Variants in LRRTM4 observed in about 807,000 individuals in gnomAD.
The protein encoded by LRRTM4 is leucine rich repeat transmembrane neuronal 4, also known as leucine-rich repeat transmembrane neuronal protein 4.
Under a neutral mutation model 47.6 loss-of-function variants are expected in LRRTM4, and 25 were observed. The observed-to-expected ratio is 0.53, with a 90% CI of 0.38 to 0.73. The LOEUF is 0.73. Among genes scored for constraint, LRRTM4 ranks in the 30% least tolerant of loss-of-function variants. LRRTM4 has a pLI of 0.00. For synonymous variants in LRRTM4, 311 were observed against 269.5 expected (o/e 1.15, Z -1.51); for missense variants, 638 against 713.4 (o/e 0.89, Z 1.20).
chr2:76,991,414 A>T (rs141604025), intron 3 of LRRTM4, among the ~76,000 whole-genome samples: 1 of 151,770 alleles, frequency 6.6e-6, no homozygotes, highest in East Asian at 1.9e-4. Context: ...AACAAAGGAA[A>T]AAAGAAGATT....
intron 3 of LRRTM4, among the ~76,000 whole-genome samples, chr2:76,974,742 A>C (rs527949529): frequency 6.6e-6 from 1 of 151,772 alleles, no homozygotes; most frequent in East Asian, 1.9e-4. Context: ...TACTATTATA[A>C]ATTTAATTTT....
At chr2:77,007,925 T>C (rs966409855) in intron 3 of LRRTM4, among the ~76,000 whole-genome samples, 4 of 152,200 alleles carry the variant, frequency 2.6e-5, no homozygotes, top group Non-Finnish European at 4.4e-5. Flanking sequence ...TCATATAGCT[T>C]CATTGTTCCT....
intron 3 of LRRTM4, among the ~76,000 whole-genome samples, chr2:77,213,532 C>T (rs185548445): frequency 1.6e-4 from 24 of 152,184 alleles, no homozygotes; most frequent in Non-Finnish European, 3.1e-4. Context: ...GTACACAGTA[C>T]ACTTTCAATA....
intron 3 of LRRTM4, among the ~76,000 whole-genome samples, chr2:76,921,228 G>A (rs1234128158): frequency 2.0e-5 from 3 of 152,038 alleles, no homozygotes; most frequent in Non-Finnish European, 2.9e-5. Flanking sequence ...AGGAGCACTG[G>A]TCAAGTATTT....
rs532060653 is a variant in LRRTM4 at position 77,431,260 on chromosome 2, A to C, written c.1551+87058T>G. On this transcript the variant is annotated intron_variant, in intron 3 of 3. Transcript: ENST00000409884. Reference sequence around the variant, plus strand: ...ATAGAAATAAACTTCTATAAATAATACAATTTTTTTTTTGCTCAGAGTTCT... The same window carrying C: ...ATAGAAATAAACTTCTATAAATAATCCAATTTTTTTTTTGCTCAGAGTTCT... 7.4e-4 allele frequency among the ~76,000 whole-genome samples: 110 copies of C among 148,872 alleles called. 9 individuals carry two copies. The highest frequency in any genetic ancestry group is 2.7e-3 in the African/African-American group (103 of 38,346).
At chr2:76,838,006 C>T (rs1671565908) in intron 3 of LRRTM4, among the ~76,000 whole-genome samples, 1 of 151,622 alleles carries the variant, frequency 6.6e-6, no homozygotes, top group Admixed American at 6.6e-5. Flanking sequence ...TTAATGGGTG[C>T]AGCACACCAG....
At chr2:77,067,686 TACACAC>T (rs3058033) in intron 3 of LRRTM4, among the ~76,000 whole-genome samples, 117 of 140,804 alleles carry the variant, frequency 8.3e-4, no homozygotes, top group Non-Finnish European at 1.4e-3. Context: ...CAAAGATACG[TACACAC>T]ACACACACAC....
chr2:76,935,818 T>C (rs146064834), intron 3 of LRRTM4, among the ~76,000 whole-genome samples: 1,743 of 152,320 alleles, frequency 0.011, 40 homozygotes, highest in African/African-American at 0.038. Flanking sequence ...CTTTCCCTCA[T>C]TGAATACTCT....
intron 3 of LRRTM4, among the ~76,000 whole-genome samples, chr2:77,069,726 CT>C (rs145823702): frequency 0.15 from 22,924 of 152,086 alleles, 1,791 homozygotes; most frequent in East Asian, 0.22. Flanking sequence ...CTTCTAAAGT[CT>C]TTCTTGAGCA....
chr2:76,900,894 A>G (rs1292244341), intron 3 of LRRTM4, among the ~76,000 whole-genome samples: 1 of 152,202 alleles, frequency 6.6e-6, no homozygotes, highest in African/African-American at 2.4e-5. Flanking sequence ...GTTGATTAGA[A>G]GTACCAAAAT....
chr2:76,896,554 G>C (rs963003779), intron 3 of LRRTM4, among the ~76,000 whole-genome samples: 1 of 151,910 alleles, frequency 6.6e-6, no homozygotes, highest in Non-Finnish European at 1.5e-5. Context: ...AAATATGCTA[G>C]AATTGACAAA....
chr2:77,084,434 C>T (rs1047760562), intron 3 of LRRTM4, among the ~76,000 whole-genome samples: 4 of 152,178 alleles, frequency 2.6e-5, no homozygotes, highest in Admixed American at 6.5e-5. Context: ...ACAAGTACCC[C>T]TCTTGTTTAG....
intron 3 of LRRTM4, among the ~76,000 whole-genome samples, chr2:77,088,115 AGAG>A (rs1338565334): frequency 6.6e-6 from 1 of 152,336 alleles, no homozygotes; most frequent in African/African-American, 2.4e-5. Flanking sequence ...GCCTGAACAA[AGAG>A]GAGAAAAGAG....
chr2:76,782,727 C>T (rs963369219), intron 3 of LRRTM4, among the ~76,000 whole-genome samples: 13 of 152,056 alleles, frequency 8.5e-5, no homozygotes, highest in Non-Finnish European at 2.9e-5. Flanking sequence ...CACAAATCTC[C>T]AATTTTTCAA....
intron 3 of LRRTM4, among the ~76,000 whole-genome samples, chr2:77,053,390 A>G (rs1397120643): frequency 6.6e-6 from 1 of 152,198 alleles, no homozygotes; most frequent in Non-Finnish European, 1.5e-5. Flanking sequence ...TATGAAGCAT[A>G]GTAGAACAAA....
Position 76,939,105 on chromosome 2 carries a change from T to G in LRRTM4, c.1552-190189A>C, listed in dbSNP as rs1350928960. ...CAACAACTTTCTTATTTACTAGAGG[T>G]GGGAATAATACTTTTTAGCAATTTT... On this transcript the variant is annotated intron_variant, in intron 3 of 3. Coordinates refer to ENST00000409884, the MANE Select transcript of LRRTM4 (RefSeq NM_001134745.3). 5.9e-5 allele frequency among the ~76,000 whole-genome samples: 9 copies of G among 152,032 alleles called. No homozygotes were observed. The East Asian group carries it at 1.7e-3, about 29-fold the overall frequency.
At chr2:76,764,253 G>A (rs1673368278) in intron 3 of LRRTM4, among the ~76,000 whole-genome samples, 1 of 151,934 alleles carries the variant, frequency 6.6e-6, no homozygotes, top group Non-Finnish European at 1.5e-5. Context: ...CATGCATATT[G>A]CAAAAAAGAA....
intron 3 of LRRTM4, among the ~76,000 whole-genome samples, chr2:77,007,519 A>AG (rs1433400681): frequency 6.6e-6 from 1 of 152,192 alleles, no homozygotes; most frequent in Non-Finnish European, 1.5e-5. Context: ...CATTCACTGG[A>AG]GGACCAAGGA....
At chr2:76,892,448 T>C (rs1380370410) in intron 3 of LRRTM4, among the ~76,000 whole-genome samples, 1 of 151,782 alleles carries the variant, frequency 6.6e-6, no homozygotes, top group Non-Finnish European at 1.5e-5. Flanking sequence ...TCCATGTATT[T>C]ATAGCTTCTG....
Sources: allele counts gnomAD v4.1 joint callset (sites outside exome capture counted in the v4.1 genomes callset), GRCh38; gene constraint gnomAD v4.1.1; transcripts MANE v1.5; gene names NCBI Gene and HGNC (gene_info 2026-07-23, HGNC 2026-07-21).